Variants in TMEM117 observed in about 807,000 individuals in gnomAD.
The protein encoded by TMEM117 is transmembrane protein 117.
A neutral mutation model predicts 52.4 loss-of-function variants in TMEM117; 27 were observed. That is an observed-to-expected ratio of 0.51 (90% CI 0.38 to 0.71). The LOEUF is 0.71. Ranked by LOEUF, TMEM117 falls within the 30% of genes least tolerant of loss-of-function variation. The pLI, the probability that TMEM117 is intolerant of heterozygous loss-of-function variation, is 0.00. For missense variants in TMEM117, 556 were observed against 630.5 expected (o/e 0.88, Z 1.26); for synonymous variants, 215 against 206.3 (o/e 1.04, Z -0.36).
intron 4 of TMEM117, among the ~76,000 whole-genome samples, chr12:44,154,340 G>A (rs1281255649): frequency 3.9e-5 from 6 of 152,038 alleles, no homozygotes; most frequent in Non-Finnish European, 8.8e-5. Flanking sequence ...CACCACGTGG[G>A]CCGTGTTAAG....
At chr12:43,993,272 A>C (rs1327359856) in intron 3 of TMEM117, among the ~76,000 whole-genome samples, 2 of 152,198 alleles carry the variant, frequency 1.3e-5, no homozygotes, top group Non-Finnish European at 2.9e-5. Context: ...TGTTATAGTA[A>C]CACCTACTTT....
At chr12:43,996,825 T>C (rs1177896001) in intron 3 of TMEM117, among the ~76,000 whole-genome samples, 1 of 152,154 alleles carries the variant, frequency 6.6e-6, no homozygotes, top group Admixed American at 6.5e-5. Context: ...AAAATGAGCT[T>C]AGTGGAGCAC....
intron 3 of TMEM117, among the ~76,000 whole-genome samples, chr12:43,968,235 G>GACACAGTA (rs1945517493): frequency 6.6e-6 from 1 of 152,064 alleles, no homozygotes; most frequent in South Asian, 2.1e-4. Flanking sequence ...CACCTTCAGT[G>GACACAGTA]ACATTTCTAA....
chr12:44,065,214 A>G (rs1947203932), intron 3 of TMEM117, among the ~76,000 whole-genome samples: 1 of 152,100 alleles, frequency 6.6e-6, no homozygotes, highest in Admixed American at 6.6e-5. Flanking sequence ...CCCTGTTTCT[A>G]CTAAAAATAC....
chr12:44,105,187 T>A (rs529676336), intron 3 of TMEM117, among the ~76,000 whole-genome samples: 1 of 152,134 alleles, frequency 6.6e-6, no homozygotes, highest in Admixed American at 6.6e-5. Flanking sequence ...CCTTTGATTT[T>A]CAATATGGTA....
chr12:44,255,269 T>C (rs1282054184), intron 5 of TMEM117, among the ~76,000 whole-genome samples: 4 of 151,818 alleles, frequency 2.6e-5, no homozygotes, highest in Admixed American at 6.6e-5. Context: ...GTTTACAGTC[T>C]CAAACAAATT....
At chr12:44,165,467 A>G (rs908898479) in intron 4 of TMEM117, among the ~76,000 whole-genome samples, 1 of 152,230 alleles carries the variant, frequency 6.6e-6, no homozygotes, top group African/African-American at 2.4e-5. Context: ...ACCAAACTAT[A>G]TGCAGCCTAA....
At chr12:44,312,630 A>G (rs1951005171) in intron 6 of TMEM117, among the ~76,000 whole-genome samples, 1 of 152,182 alleles carries the variant, frequency 6.6e-6, no homozygotes, top group African/African-American at 2.4e-5. Flanking sequence ...GTATATACCC[A>G]GTGATATGAT....
the TMEM117 span, among the ~76,000 whole-genome samples, chr12:43,828,233 T>C: frequency 9.2e-5 from 14 of 152,338 alleles, no homozygotes; most frequent in African/African-American, 2.6e-4. Context: ...TCTACAATAT[T>C]TTGAAGTATT....
At chr12:43,975,796 G>A (rs532926880) in intron 3 of TMEM117, among the ~76,000 whole-genome samples, 1 of 152,300 alleles carries the variant, frequency 6.6e-6, no homozygotes, top group African/African-American at 2.4e-5. Context: ...ATCTTTGCTG[G>A]AAACCCAGTG....
intron 3 of TMEM117, among the ~76,000 whole-genome samples, chr12:44,034,808 TG>T (rs1946685203): frequency 6.6e-6 from 1 of 152,202 alleles, no homozygotes. Context: ...TTATCAGTTC[TG>T]GGTGTGTCTG....
chr12:44,142,444 A>G (rs1445733016), intron 3 of TMEM117, among the ~76,000 whole-genome samples: 1 of 152,140 alleles, frequency 6.6e-6, no homozygotes, highest in Non-Finnish European at 1.5e-5. Flanking sequence ...TTTATGGATA[A>G]CAGAACCATC....
At chr12:44,128,103 G>A (rs900337926) in intron 3 of TMEM117, among the ~76,000 whole-genome samples, 4 of 152,206 alleles carry the variant, frequency 2.6e-5, no homozygotes, top group African/African-American at 9.6e-5. Flanking sequence ...TGTTAAGGCT[G>A]TGCAAAGCCT....
chr12:43,935,007 A>G (rs989579851), intron 2 of TMEM117, among the ~76,000 whole-genome samples: 2 of 151,762 alleles, frequency 1.3e-5, no homozygotes, highest in African/African-American at 4.8e-5. Flanking sequence ...ACCGTTTTTT[A>G]TTTTTTATTT....
intron 4 of TMEM117, among the ~76,000 whole-genome samples, chr12:44,162,090 G>T: frequency 6.6e-6 from 1 of 152,106 alleles, no homozygotes; most frequent in East Asian, 1.9e-4. Flanking sequence ...ATGCCGTATG[G>T]AGCTCCAGAG....
At chr12:44,072,322 G>T (rs1219904932) in intron 3 of TMEM117, among the ~76,000 whole-genome samples, 2 of 152,166 alleles carry the variant, frequency 1.3e-5, no homozygotes, top group East Asian at 1.9e-4. Context: ...CACACCAGAA[G>T]AGATTCTCAG....
intron 3 of TMEM117, among the ~76,000 whole-genome samples, chr12:43,954,307 T>C (rs920736192): frequency 1.4e-5 from 2 of 146,676 alleles, no homozygotes; most frequent in African/African-American, 5.1e-5. Context: ...AAGCTCAGAG[T>C]GGAACTGAAG....
At chr12:44,370,764 C>T (rs1459145078) in intron 6 of TMEM117, among the ~76,000 whole-genome samples, 5 of 152,004 alleles carry the variant, frequency 3.3e-5, no homozygotes, top group African/African-American at 7.3e-5. Flanking sequence ...GTGATCCGCC[C>T]GCCTTGGCCT....
intron 6 of TMEM117, among the ~76,000 whole-genome samples, chr12:44,357,413 A>T (rs948327050): frequency 6.6e-6 from 1 of 152,124 alleles, no homozygotes; most frequent in African/African-American, 2.4e-5. Context: ...GTATAGAATA[A>T]GTGTTGACAG....
Sources: allele counts gnomAD v4.1 joint callset (sites outside exome capture counted in the v4.1 genomes callset), GRCh38; gene constraint gnomAD v4.1.1; transcripts MANE v1.5; gene names NCBI Gene and HGNC (gene_info 2026-07-23, HGNC 2026-07-21).